Variants in SPICE1 observed in about 807,000 individuals in gnomAD.
SPICE1 encodes spindle and centriole associated protein 1, also known as spindle and centriole-associated protein 1.
A neutral mutation model predicts 102.7 loss-of-function variants in SPICE1; 75 were observed. That is an observed-to-expected ratio of 0.73 (90% CI 0.61 to 0.88). The LOEUF is 0.88. Ranked by LOEUF, SPICE1 falls within the 40% of genes least tolerant of loss-of-function variation. The pLI is 0.00. For missense variants in SPICE1, 979 were observed against 1,020.1 expected (o/e 0.96, Z 0.55); for synonymous variants, 308 against 350.3 (o/e 0.88, Z 1.35).
chr3:113,468,990 A>G, intron 8 of SPICE1, 91 bp from the exon 9 acceptor site: 2 of 1,563,566 alleles, frequency 1.3e-6, no homozygotes, highest in Middle Eastern at 1.7e-4. Context: ...ATTTTAGTCA[A>G]TTAGGCAAAG....
intron 4 of SPICE1, among the ~76,000 whole-genome samples, chr3:113,495,281 A>C (rs1480752920): frequency 6.6e-6 from 1 of 152,254 alleles, no homozygotes; most frequent in East Asian, 1.9e-4. Flanking sequence ...AAATTGATAA[A>C]ATATCTGATA....
chr3:113,505,189 T>A (rs980308335), intron 2 of SPICE1, among the ~76,000 whole-genome samples: 2 of 152,188 alleles, frequency 1.3e-5, no homozygotes, highest in Non-Finnish European at 2.9e-5. Flanking sequence ...TACAGCCAAC[T>A]GTATTTATTG....
intron 15 of SPICE1, 38 bp from the exon 16 acceptor site, chr3:113,448,178 C>CA: frequency 6.6e-7 from 1 of 1,504,358 alleles, no homozygotes; most frequent in Admixed American, 2.1e-5. Flanking sequence ...CATTACCTTT[C>CA]AATGAAATAA....
chr3:113,462,372 T>C (rs567817151), intron 11 of SPICE1, among the ~76,000 whole-genome samples: 52 of 152,378 alleles, frequency 3.4e-4, no homozygotes, highest in Non-Finnish European at 7.2e-4. Flanking sequence ...GCCTGCCATC[T>C]ATCAGACACT....
rs200801991 is a variant in SPICE1, at chr3:113,468,181, C to T, written c.1113G>A (p.Ser371=). 35 of 1,614,200 alleles carry T rather than the reference C, an allele frequency of 2.2e-5. 1 individual carries two copies. Among genetic ancestry groups the T allele is most frequent in the South Asian group, 2.1e-4 (19 of 91,092 alleles). The change falls in exon 10 of 18, where the codon TCG becomes TCA. Residue 371 remains serine (S), a synonymous_variant. Transcript: ENST00000295872. ...SSQGLTGFTL[S]LVSSLCRLVR... is the part of the protein sequence containing the mutation. ...CCAGGCGACAGAGGGAGCTCACCAG[C>T]GACAAAGTGAAGCCTGTAAGACCCT...
At chr3:113,489,311 A>C (rs1313075799) in intron 6 of SPICE1, among the ~76,000 whole-genome samples, 2 of 152,042 alleles carry the variant, frequency 1.3e-5, no homozygotes, top group Non-Finnish European at 2.9e-5. Context: ...CTCCCATCTT[A>C]ACCTGACCCT....
intron 12 of SPICE1, chr3:113,460,054 C>A (rs1935890063): frequency 1.0e-6 from 1 of 985,360 alleles, no homozygotes; most frequent in Non-Finnish European, 1.2e-6. Flanking sequence ...TCATCAAAGT[C>A]TTACTTAAAA....
intron 7 of SPICE1, among the ~76,000 whole-genome samples, chr3:113,488,357 C>T (rs778100614): frequency 6.6e-6 from 1 of 152,082 alleles, no homozygotes; most frequent in African/African-American, 2.4e-5. Flanking sequence ...AAGTGCCCAA[C>T]GACCAATGAG....
chr3:113,455,629 TCAC>T (rs1935763552), intron 13 of SPICE1, among the ~76,000 whole-genome samples: 1 of 152,210 alleles, frequency 6.6e-6, no homozygotes, highest in South Asian at 2.1e-4. Context: ...GCCCTATGTA[TCAC>T]CCATTTTCAT....
chr3:113,509,284 T>G (rs1016136322), intron 1 of SPICE1, among the ~76,000 whole-genome samples: 4 of 152,310 alleles, frequency 2.6e-5, no homozygotes, highest in Admixed American at 2.6e-4. Context: ...TTCAAAGACA[T>G]GAATCTAATG....
chr3:113,503,109 T>C, intron 3 of SPICE1, 71 bp downstream of exon 3: 2 of 1,494,596 alleles, frequency 1.3e-6, no homozygotes, highest in Non-Finnish European at 1.8e-6. Flanking sequence ...ATAGTTTCTA[T>C]TCTAAAGGTT....
At chr3:113,465,817 T>C (rs748984516) in intron 10 of SPICE1, 33 bp from the exon 11 acceptor site, 12 of 1,599,318 alleles carry the variant, frequency 7.5e-6, no homozygotes, top group Middle Eastern at 1.7e-4. Context: ...CTTCCACCAA[T>C]AGCATCACAT....
chr3:113,460,164 T>A (rs1309480030), intron 12 of SPICE1: 2 of 985,438 alleles, frequency 2.0e-6, no homozygotes, highest in Non-Finnish European at 2.4e-6. Flanking sequence ...CTATCACACA[T>A]GAACAAAAGT....
chr3:113,475,402 G>C (rs1290370616), intron 7 of SPICE1, among the ~76,000 whole-genome samples: 1 of 151,772 alleles, frequency 6.6e-6, no homozygotes, highest in Admixed American at 6.6e-5. Context: ...CCAATCAATA[G>C]AAAAAGAGGG....
chr3:113,506,842 T>A (rs1018298497), intron 1 of SPICE1, among the ~76,000 whole-genome samples: 6 of 152,168 alleles, frequency 3.9e-5, no homozygotes, highest in Non-Finnish European at 7.3e-5. Flanking sequence ...TATATTTGAT[T>A]AAAAAAGAAC....
At position 113,468,127 on chromosome 3, in the gene SPICE1, T is replaced by C. The variant is rs764729824; in HGVS notation, c.1155+12A>G. On this transcript the variant is annotated intron_variant, in intron 10 of 17. Coordinates refer to ENST00000295872, the MANE Select transcript of SPICE1 (RefSeq NM_144718.4). ...GCCTGAAAAGAAGACTCTACTAACC[T>C]AATGTCCTTACCTCTTTAAGGTACC... 1.7e-5 allele frequency: 28 copies of C among 1,612,976 alleles called. No homozygotes were observed. In the African/African-American group the frequency reaches 2.0e-4, roughly 12 times the overall value.
intron 2 of SPICE1, among the ~76,000 whole-genome samples, chr3:113,505,095 A>G (rs1937081523): frequency 6.6e-6 from 1 of 152,146 alleles, no homozygotes; most frequent in South Asian, 2.1e-4. Flanking sequence ...AATCCCACCT[A>G]ATTGGCTCTC....
At chr3:113,463,507 A>T (rs774139037) in intron 11 of SPICE1, among the ~76,000 whole-genome samples, 10 of 152,248 alleles carry the variant, frequency 6.6e-5, no homozygotes, top group Non-Finnish European at 1.3e-4. Flanking sequence ...AAATGTAAAA[A>T]TAACCCAAAT....
chr3:113,470,317 G>A (rs1488991461), intron 7 of SPICE1, among the ~76,000 whole-genome samples: 3 of 152,184 alleles, frequency 2.0e-5, no homozygotes, highest in Non-Finnish European at 2.9e-5. Flanking sequence ...CTGGAGAGAA[G>A]GGCAAGAGTG....
Sources: gnomAD v4.1 joint callset for allele counts (sites outside exome capture counted in the v4.1 genomes callset) on GRCh38, gnomAD v4.1.1 for gene constraint, MANE v1.5 for transcripts, NCBI Gene and HGNC (gene_info 2026-07-23, HGNC 2026-07-21) for gene names.